The following TAMM41 variants were observed in gnomAD, a reference collection of about 807,000 sequenced individuals.
The protein encoded by TAMM41 is TAM41 mitochondrial translocator assembly and maintenance homolog.
Under a neutral mutation model 44.1 loss-of-function variants are expected in TAMM41, and 36 were observed. That is an observed-to-expected ratio of 0.82 (90% CI 0.63 to 1.08). The LOEUF (loss-of-function observed/expected upper bound fraction) is 1.08, where lower values mean the gene tolerates loss of function less well. TAMM41 is among the 50% of genes least tolerant of loss of function. The pLI is 0.00. For missense variants in TAMM41, 417 were observed against 404.3 expected (o/e 1.03, Z -0.27); for synonymous variants, 164 against 153.1 (o/e 1.07, Z -0.53).
chr3:11,729,293 G>A, the TAMM41 span, among the ~76,000 whole-genome samples: 1 of 151,706 alleles, frequency 6.6e-6, no homozygotes, highest in South Asian at 2.1e-4. Context: ...GGGCTGGGAC[G>A]GGAAATAAAA....
chr3:11,839,638 G>A (rs1330500935), intron 2 of TAMM41, among the ~76,000 whole-genome samples: 1 of 152,174 alleles, frequency 6.6e-6, no homozygotes, highest in East Asian at 1.9e-4. Context: ...CCTGGGCGTA[G>A]GTCAAGCCAA....
At chr3:11,832,871 A>G (rs907858847) in intron 3 of TAMM41, 2 of 477,872 alleles carry the variant, frequency 4.2e-6, no homozygotes, top group African/African-American at 4.2e-5. Flanking sequence ...CAAAGAAAAG[A>G]CTAAGTCTTG....
chr3:11,819,302 T>C (rs1369780862), intron 4 of TAMM41, among the ~76,000 whole-genome samples: 7 of 152,204 alleles, frequency 4.6e-5, no homozygotes, highest in Non-Finnish European at 8.8e-5. Context: ...TGTTGTGGTA[T>C]TGCTTCATTT....
At chr3:11,797,898 C>T (rs2077648741) in intron 7 of TAMM41, among the ~76,000 whole-genome samples, 1 of 152,180 alleles carries the variant, frequency 6.6e-6, no homozygotes, top group Admixed American at 6.5e-5. Flanking sequence ...GGAAAAAAAG[C>T]TCAACATGAC....
At chr3:11,801,266 C>T (rs2077745737) in intron 7 of TAMM41, among the ~76,000 whole-genome samples, 2 of 152,112 alleles carry the variant, frequency 1.3e-5, no homozygotes, top group South Asian at 4.1e-4. Context: ...AGAAATGATA[C>T]AAGTACATGG....
the TAMM41 span, among the ~76,000 whole-genome samples, chr3:11,747,752 T>G: frequency 5.3e-5 from 8 of 151,866 alleles, no homozygotes; most frequent in Non-Finnish European, 1.0e-4. Flanking sequence ...GGTGACAGAA[T>G]GAGACCCTGT....
chr3:11,761,910 G>A, the TAMM41 span, among the ~76,000 whole-genome samples: 232 of 135,726 alleles, frequency 1.7e-3, 1 homozygote, highest in African/African-American at 4.4e-3. Context: ...TCACGCCATC[G>A]CACTCCAGCC....
rs376856065 is a variant in TAMM41 at position 11,839,222 on chromosome 3, C to A, written c.411G>T (p.Pro137=). ...ACTGTGCAGCCTATAAAACACTCAC[C>A]GGTTTTTGGAGTCGTCCAGCAATGT... The part of the protein sequence containing the change: ...NLYIAGRLQK[P]VKIISVNEDV... Residue 137 remains proline, a splice_region_variant and synonymous_variant, in exon 3 of 8, where the codon CCG becomes CCT. Coordinates refer to ENST00000455809, the MANE Select transcript of TAMM41 (RefSeq NM_001284401.2). 16 of 1,608,320 alleles carry A rather than the reference C, an allele frequency of 9.9e-6. No homozygotes were observed. Among genetic ancestry groups the A allele is most frequent in the African/African-American group, 6.7e-5 (5 of 74,770 alleles).
At chr3:11,753,460 C>G in the TAMM41 span, among the ~76,000 whole-genome samples, 377 of 151,900 alleles carry the variant, frequency 2.5e-3, 1 homozygote, top group South Asian at 7.7e-3. Flanking sequence ...TGCAGTGGCT[C>G]ACGCCTGTAA....
At chr3:11,727,268 A>G in the TAMM41 span, among the ~76,000 whole-genome samples, 2 of 152,204 alleles carry the variant, frequency 1.3e-5, no homozygotes, top group East Asian at 3.8e-4. Context: ...CCAATTCCGG[A>G]GTCCACCTGC....
intron 3 of TAMM41, chr3:11,833,106 T>C: frequency 7.8e-7 from 1 of 1,284,158 alleles, no homozygotes; most frequent in South Asian, 1.3e-5. Context: ...TTATTTGTTG[T>C]TCAGAGTGAA....
intron 5 of TAMM41, among the ~76,000 whole-genome samples, chr3:11,813,826 A>ATGTGTGTGTG (rs769715029): frequency 8.8e-6 from 1 of 114,010 alleles, no homozygotes; most frequent in African/African-American, 3.8e-5. Context: ...GGGTACAAAT[A>ATGTGTGTGTG]TATGTGTGTG....
chr3:11,762,603 T>C, the TAMM41 span, among the ~76,000 whole-genome samples: 7 of 152,238 alleles, frequency 4.6e-5, no homozygotes, highest in African/African-American at 1.7e-4. Flanking sequence ...TCTTGTCCTT[T>C]TATTCCCCCT....
chr3:11,765,713 T>C, the TAMM41 span, among the ~76,000 whole-genome samples: 1 of 152,000 alleles, frequency 6.6e-6, no homozygotes, highest in Admixed American at 6.6e-5. Context: ...ATTTTTTTTT[T>C]TTTTTTGAGA....
chr3:11,834,718 GCT>G (rs2079107575), intron 3 of TAMM41, among the ~76,000 whole-genome samples: 1 of 152,092 alleles, frequency 6.6e-6, no homozygotes, highest in South Asian at 2.1e-4. Flanking sequence ...ACATGGTCTT[GCT>G]CTGTCATCCA....
intron 7 of TAMM41, among the ~76,000 whole-genome samples, chr3:11,792,498 C>T (rs2077503409): frequency 1.3e-5 from 2 of 152,132 alleles, no homozygotes; most frequent in African/African-American, 2.4e-5. Context: ...TGTGTGTGTG[C>T]GTAGGTGCAC....
At chr3:11,809,940 G>C in intron 5 of TAMM41, 1 of 338,022 alleles carries the variant, frequency 3.0e-6, no homozygotes, top group Admixed American at 4.7e-5. Context: ...CCACTCTCAA[G>C]GATCAATTTC....
downstream of TAMM41, among the ~76,000 whole-genome samples, chr3:11,789,446 T>C (rs1296206109): frequency 1.3e-5 from 2 of 152,166 alleles, no homozygotes; most frequent in African/African-American, 2.4e-5. Flanking sequence ...TAGATTCATA[T>C]AGCTTGTTAG....
intron 6 of TAMM41, chr3:11,808,431 T>G: frequency 1.1e-6 from 1 of 950,788 alleles, no homozygotes; most frequent in Non-Finnish European, 1.2e-6. Context: ...GGGGAGCTGG[T>G]GACCTAAACA....
Sources: allele counts gnomAD v4.1 joint callset (sites outside exome capture counted in the v4.1 genomes callset), GRCh38; gene constraint gnomAD v4.1.1; transcripts MANE v1.5; gene names NCBI Gene and HGNC (gene_info 2026-07-23, HGNC 2026-07-21).